STK3: variants seen among roughly 807,000 people sequenced by gnomAD.
STK3 encodes serine/threonine-protein kinase 3.
A neutral mutation model predicts 58.0 loss-of-function variants in STK3; 41 were observed. The observed-to-expected ratio is 0.71, with a 90% CI of 0.55 to 0.92. The LOEUF (loss-of-function observed/expected upper bound fraction) is 0.92. STK3 is among the 40% of genes least tolerant of loss of function. STK3 has a pLI of 0.00. For missense variants in STK3, 479 were observed against 602.7 expected (o/e 0.79, Z 2.15); for synonymous variants, 170 against 191.0 (o/e 0.89, Z 0.91).
chr8:98,827,940 T>C (rs1835373683), upstream of STK3, among the ~76,000 whole-genome samples: 1 of 151,440 alleles, frequency 6.6e-6, no homozygotes, highest in Non-Finnish European at 1.5e-5. Flanking sequence ...ATTACTCCAC[T>C]CTAACCCCCC....
upstream of STK3, among the ~76,000 whole-genome samples, chr8:98,826,418 AC>A (rs1310661841): frequency 6.6e-6 from 1 of 152,202 alleles, no homozygotes; most frequent in African/African-American, 2.4e-5. Flanking sequence ...ACATCTAATT[AC>A]CGAGAAAATA....
downstream of STK3, among the ~76,000 whole-genome samples, chr8:98,369,936 G>A (rs561257702): frequency 1.7e-4 from 26 of 152,168 alleles, no homozygotes; most frequent in Non-Finnish European, 2.9e-4. Context: ...GGGTTCCTGC[G>A]TGTGGGCAAA....
rs1221003178 is a variant in STK3 at position 98,455,012 on chromosome 8, C to T, written c.*830G>A. The stretch of plus-strand genomic sequence containing the variant: ...AATCAGTTCAGCTATTAGATCTACA[C>T]ATAAAACATGAAACAATATTAACAA... On this transcript the variant is annotated 3_prime_UTR_variant, in exon 11 of 11. Coordinates refer to ENST00000419617, the MANE Select transcript of STK3 (RefSeq NM_006281.4). 6.6e-6 allele frequency: 1 copy of T among 152,498 alleles called. No individual in the cohort carries two copies. Among genetic ancestry groups the T allele is most frequent in the Non-Finnish European group, 1.5e-5 (1 of 68,036 alleles). The allele number at this position is 152,498 out of a possible 1,614,324, so 9.4% of individuals were successfully genotyped here. A position where few individuals can be genotyped will look rare whatever the true frequency, so the allele number is the denominator to read the frequency against.
chr8:98,551,463 C>CA (rs926993375), intron 8 of STK3, among the ~76,000 whole-genome samples: 15 of 151,900 alleles, frequency 9.9e-5, no homozygotes, highest in African/African-American at 2.2e-4. Context: ...TTTAAAACAA[C>CA]AAAAAAACAA....
At chr8:98,655,263 G>A (rs1482426496) in intron 6 of STK3, among the ~76,000 whole-genome samples, 2 of 152,148 alleles carry the variant, frequency 1.3e-5, no homozygotes, top group Admixed American at 6.5e-5. Context: ...AAACGGTGCT[G>A]GGAAAACTGG....
intron 6 of STK3, among the ~76,000 whole-genome samples, chr8:98,691,307 ACTT>A (rs1171516733): frequency 6.6e-6 from 1 of 152,238 alleles, no homozygotes; most frequent in African/African-American, 2.4e-5. Flanking sequence ...TATTTACACA[ACTT>A]CTTCAGAACA....
intron 8 of STK3, among the ~76,000 whole-genome samples, chr8:98,567,975 T>C (rs953896538): frequency 7.9e-5 from 12 of 151,932 alleles, no homozygotes; most frequent in Non-Finnish European, 1.8e-4. Flanking sequence ...GGAAAACTGC[T>C]TGAACCCAGG....
At chr8:98,930,755 A>AAACTGGTGTTTAAG (rs1167440652) in intron 1 of STK3, among the ~76,000 whole-genome samples, 1 of 152,246 alleles carries the variant, frequency 6.6e-6, no homozygotes, top group Non-Finnish European at 1.5e-5. Flanking sequence ...AAGAAAAATT[A>AAACTGGTGTTTAAG]CAACCAAACT....
chr8:98,711,224 G>A (rs1056507868), intron 4 of STK3, among the ~76,000 whole-genome samples: 1 of 152,102 alleles, frequency 6.6e-6, no homozygotes, highest in African/African-American at 2.4e-5. Flanking sequence ...AAAAATAAGA[G>A]TGCCTCTCCT....
chr8:98,675,857 CTG>C (rs1335344046), intron 6 of STK3, among the ~76,000 whole-genome samples: 2 of 151,094 alleles, frequency 1.3e-5, no homozygotes, highest in African/African-American at 4.9e-5. Context: ...GAGCGAGACT[CTG>C]TCTCAAAAAA....
At chr8:98,651,189 T>C (rs761377490) in intron 6 of STK3, among the ~76,000 whole-genome samples, 28 of 152,086 alleles carry the variant, frequency 1.8e-4, no homozygotes, top group Non-Finnish European at 3.2e-4. Context: ...GTCACGAAAA[T>C]CTGCTGTTCT....
At chr8:98,694,107 CT>C (rs1824640281) in intron 6 of STK3, among the ~76,000 whole-genome samples, 1 of 152,078 alleles carries the variant, frequency 6.6e-6, no homozygotes, top group Admixed American at 6.5e-5. Flanking sequence ...TGTTTTTACG[CT>C]GCCTATACTA....
chr8:98,749,181 G>T, intron 4 of STK3, 95 bp downstream of exon 4: 3 of 901,512 alleles, frequency 3.3e-6, no homozygotes, highest in South Asian at 1.8e-5. Context: ...CTTTTTTCAT[G>T]CTATTATTTT....
chr8:98,613,372 G>C (rs1299663385), intron 6 of STK3, among the ~76,000 whole-genome samples: 2 of 151,652 alleles, frequency 1.3e-5, no homozygotes, highest in Non-Finnish European at 2.9e-5. Context: ...AAACAAAAAA[G>C]ATAAAAGTCA....
At chr8:98,735,934 G>C (rs1218240990) in intron 4 of STK3, among the ~76,000 whole-genome samples, 1 of 151,976 alleles carries the variant, frequency 6.6e-6, no homozygotes, top group Non-Finnish European at 1.5e-5. Context: ...CAGATAATTT[G>C]TTTTATGACT....
At chr8:98,675,850 C>T (rs909955056) in intron 6 of STK3, among the ~76,000 whole-genome samples, 10 of 150,122 alleles carry the variant, frequency 6.7e-5, no homozygotes, top group African/African-American at 2.5e-4. Context: ...GGTGACAGAG[C>T]GAGACTCTGT....
intron 7 of STK3, among the ~76,000 whole-genome samples, chr8:98,590,675 C>T (rs1046305186): frequency 1.3e-5 from 2 of 152,182 alleles, no homozygotes; most frequent in African/African-American, 2.4e-5. Flanking sequence ...TAACTTTTAA[C>T]CCAAATTCTT....
chr8:98,741,719 A>G (rs1342568675), intron 4 of STK3, among the ~76,000 whole-genome samples: 1 of 152,192 alleles, frequency 6.6e-6, no homozygotes, highest in Admixed American at 6.5e-5. Flanking sequence ...TTCAAAAGCT[A>G]GCAGAAGGCA....
intron 10 of STK3, among the ~76,000 whole-genome samples, chr8:98,515,361 T>C (rs1444916757): frequency 6.6e-6 from 1 of 152,132 alleles, no homozygotes; most frequent in African/African-American, 2.4e-5. Flanking sequence ...GCAGACATGG[T>C]TGCCTTTAGG....
Sources: allele counts gnomAD v4.1 joint callset (sites outside exome capture counted in the v4.1 genomes callset), GRCh38; gene constraint gnomAD v4.1.1; transcripts MANE v1.5; gene names NCBI Gene and HGNC (gene_info 2026-07-23, HGNC 2026-07-21).